MYO7B: variants seen among roughly 807,000 people sequenced by gnomAD.
The protein encoded by MYO7B is unconventional myosin-VIIb.
Under a neutral mutation model 259.7 loss-of-function variants are expected in MYO7B, and 212 were observed. The observed-to-expected ratio is 0.82, with a 90% confidence interval of 0.73 to 0.91. MYO7B has a LOEUF of 0.91. Ranked by LOEUF, MYO7B falls within the 40% of genes least tolerant of loss-of-function variation. The pLI, the probability that MYO7B is intolerant of heterozygous loss-of-function variation, is 0.00. For missense variants in MYO7B, 2,732 were observed against 2,813.5 expected (o/e 0.97, Z 0.66); for synonymous variants, 1,197 against 1,166.4 (o/e 1.03, Z -0.54).
chr2:127,565,613 G>T lies in MYO7B; in HGVS notation c.285+228G>T, dbSNP rs143288782. 9.0e-3 allele frequency among the ~76,000 whole-genome samples: 1,377 copies of T among 152,358 alleles called. 20 individuals carry two copies. Among genetic ancestry groups the T allele is most frequent in the African/African-American group, 0.028 (1,154 of 41,582 alleles). On this transcript the variant is annotated intron_variant, in intron 4 of 47. Transcript: ENST00000409816. ...TGCGTAGAGTGACAGCACAGTGCCT[G>T]GCACAGTCTCTGCTCAGTGAGGGCT...
rs1021535064 is a variant in MYO7B, at chr2:127,546,902, A to G, written c.-24+11071A>G. On this transcript the variant is annotated intron_variant, in intron 1 of 47. Coordinates refer to ENST00000409816, the MANE Select transcript of MYO7B (RefSeq NM_001393586.1). This position sits in a 1 kb window ranked among gnomAD's most constrained non-coding sequence, Gnocchi z 4.2. ...CCATTAATCCATCCACCATCCATCT[A>G]TCCACCCACCCACCCATTCACCCAC... Among the ~76,000 whole-genome samples, 3 of 151,490 alleles carry G rather than the reference A, an allele frequency of 2.0e-5. No homozygotes were observed. Among genetic ancestry groups the G allele is most frequent in the African/African-American group, 7.3e-5 (3 of 41,124 alleles).
intron 1 of MYO7B, among the ~76,000 whole-genome samples, chr2:127,554,950 T>C (rs1693582812): frequency 7.8e-6 from 1 of 128,918 alleles, no homozygotes; most frequent in Non-Finnish European, 1.6e-5. Flanking sequence ...TTCTAATTGA[T>C]TTTTTTTTTT....
Position 127,634,670 on chromosome 2 carries a change from G to A in MYO7B, c.5700G>A (p.Lys1900=). 1 of 1,610,690 alleles carries A rather than the reference G, an allele frequency of 6.2e-7. No homozygotes were observed. The highest frequency in any genetic ancestry group is 8.5e-7 in the Non-Finnish European group (1 of 1,179,108). Residue 1900 remains lysine, a synonymous_variant, in exon 42 of 48, where the codon AAG becomes AAA. Coordinates refer to ENST00000409816, the MANE Select transcript of MYO7B (RefSeq NM_001393586.1). ...TGTCTGACTGGGTGAAGAAGAACAA[G>A]CCCCAGAAAGAAGGTGAGGAGGCCT... ...REVSDWVKKN[K]PQKEGAPVTL...
At chr2:127,575,580 C>G (rs1342368321) in intron 7 of MYO7B, among the ~76,000 whole-genome samples, 2 of 148,588 alleles carry the variant, frequency 1.3e-5, no homozygotes, top group African/African-American at 5.0e-5. Flanking sequence ...AAAAAAGAAA[C>G]AAAGAAAAGA....
At chr2:127,581,053 C>T (rs933789892) in intron 10 of MYO7B, among the ~76,000 whole-genome samples, 4 of 152,202 alleles carry the variant, frequency 2.6e-5, no homozygotes, top group Non-Finnish European at 4.4e-5. Context: ...TGAATGTTTC[C>T]TCCCTTTCCC....
chr2:127,629,351 C>A (rs1681336776), intron 34 of MYO7B, among the ~76,000 whole-genome samples: 1 of 152,204 alleles, frequency 6.6e-6, no homozygotes, highest in Non-Finnish European at 1.5e-5. Context: ...GTGCATCCTC[C>A]CCTCCCTCAT....
intron 21 of MYO7B, among the ~76,000 whole-genome samples, chr2:127,608,236 A>G (rs1427209439): frequency 6.6e-6 from 1 of 152,240 alleles, no homozygotes; most frequent in Non-Finnish European, 1.5e-5. Context: ...GAATGCACCC[A>G]TAGACACGTC....
Position 127,569,776 on chromosome 2 carries a change from A to G in MYO7B, c.471-13A>G, listed in dbSNP as rs1328294660. 1.4e-5 allele frequency: 22 copies of G among 1,606,848 alleles called. No homozygotes were observed. The highest frequency in any genetic ancestry group is 1.7e-5 in the Non-Finnish European group (20 of 1,175,132). On this transcript the variant is annotated splice_polypyrimidine_tract_variant and intron_variant, in intron 5 of 47. Transcript: ENST00000409816. ...GTTTTGTGGCATCATGTCCCTGCAC[A>G]CCCTTTTTGCAGCGGCGAGTCTGGG...
chr2:127,604,963 A>G (rs971315195), intron 19 of MYO7B, among the ~76,000 whole-genome samples: 2 of 152,270 alleles, frequency 1.3e-5, no homozygotes, highest in Admixed American at 6.5e-5. Flanking sequence ...ACAGACATGA[A>G]GTGACCACAT....
At chr2:127,631,088 T>A (rs1681474006) in intron 36 of MYO7B, 118 bp from the exon 37 acceptor site, 2 of 1,419,324 alleles carry the variant, frequency 1.4e-6, no homozygotes, top group East Asian at 2.5e-5. Context: ...CAGGAGGGGC[T>A]TGCGGCAGGG....
chr2:127,578,355 T>C, intron 9 of MYO7B, 69 bp downstream of exon 9: 1 of 1,577,280 alleles, frequency 6.3e-7, no homozygotes, highest in Non-Finnish European at 8.7e-7. Context: ...CAGGAAGGCA[T>C]CTCTAGGGGT....
rs773705060 is a variant in MYO7B, at chr2:127,609,589, T to C, written c.2898T>C (p.Asp966=). 6.2e-7 allele frequency: 1 copy of C among 1,613,862 alleles called. No individual in the cohort carries two copies. Among genetic ancestry groups the C allele is most frequent in the African/African-American group, 1.3e-5 (1 of 74,912 alleles). Residue 966 remains aspartate, a synonymous_variant, in exon 23 of 48, where the codon GAT becomes GAC. Transcript: ENST00000409816. The surrounding 1 kb of genome is among the most constrained non-coding windows in gnomAD (Gnocchi z 6.9). The part of the protein sequence containing the change: ...PMAEEPEEDV[D]GLAEYTFPKF... ...CGGAGGAGCCTGAGGAGGATGTGGA[T>C]GGCCTGGCCGAGTACACCTTCCCCA...
rs1159382285 is a variant in MYO7B at position 127,549,145 on chromosome 2, T to A, written c.-23-10555T>A. ...CTCTTCTTTCTCTCTTTCTTTCTTC[T>A]TTCTTCCTTCCTTCCTTCCTTTCTT... On this transcript the variant is annotated intron_variant, in intron 1 of 47. Coordinates refer to ENST00000409816, the MANE Select transcript of MYO7B (RefSeq NM_001393586.1). Among the ~76,000 whole-genome samples, 3 of 73,244 alleles carry A rather than the reference T, an allele frequency of 4.1e-5. No homozygotes were observed. The Admixed American group carries it at 6.1e-4, about 15-fold the overall frequency. The allele number at this position is 73,244 out of a possible 152,430, so 48.1% of individuals were successfully genotyped here. A position where few individuals can be genotyped will look rare whatever the true frequency, so the allele number is the denominator to read the frequency against.
In MYO7B at chr2:127,580,170, A is replaced by C. The variant is rs369491079; in HGVS notation, c.1004-576A>C. ...TCCAATTTTTTTCAGTTTAAAAAAG[A>C]AAAAAAGCAAAAACAAAGACACCCA... On this transcript the variant is annotated intron_variant, in intron 9 of 47. Coordinates refer to ENST00000409816, the MANE Select transcript of MYO7B (RefSeq NM_001393586.1). Among the ~76,000 whole-genome samples the C allele has an allele frequency of 2.1e-3, 322 of 152,304 alleles. 1 individual carries two copies. Among genetic ancestry groups the C allele is most frequent in the African/African-American group, 7.0e-3 (293 of 41,562 alleles).
At chr2:127,612,737 A>T (rs927769484) in intron 26 of MYO7B, 134 bp downstream of exon 26, 2 of 1,351,796 alleles carry the variant, frequency 1.5e-6, no homozygotes. Flanking sequence ...GGGTCTCAGG[A>T]CAGCAGATGT....
Position 127,637,517 on chromosome 2 carries a change from G to A in MYO7B, c.*100G>A. 1 of 889,214 alleles carries A rather than the reference G, an allele frequency of 1.1e-6. No individual in the cohort carries two copies. The highest frequency in any genetic ancestry group is 2.7e-5 in the East Asian group (1 of 37,122). 55.1% of individuals were successfully genotyped at this position (889,214 alleles called of 1,614,324 possible). ...ACCCAGGGCCTGTCCTTGGCGGGCA[G>A]CCTTCCATGCTGCCCCCCATACAAA... On this transcript the variant is annotated 3_prime_UTR_variant, in exon 48 of 48. Transcript: ENST00000409816.
intron 2 of MYO7B, among the ~76,000 whole-genome samples, chr2:127,560,269 C>T (rs886261390): frequency 2.6e-5 from 4 of 152,082 alleles, no homozygotes; most frequent in Non-Finnish European, 4.4e-5. Context: ...CAAAGCAATC[C>T]ACTAGCCTTG....
chr2:127,588,762 G>A (rs1487045934), intron 15 of MYO7B, among the ~76,000 whole-genome samples: 2 of 148,898 alleles, frequency 1.3e-5, no homozygotes, highest in East Asian at 4.0e-4. Flanking sequence ...GTGGGTGGAT[G>A]GGTGAGTGGA....
At position 127,569,799 on chromosome 2, in the gene MYO7B, G is replaced by T. The variant is rs757758397; in HGVS notation, c.481G>T (p.Gly161Trp). ...ACACCCTTTTTGCAGCGGCGAGTCT[G>T]GGGCTGGCAAGACGGAGACCACCAA... Reference protein sequence around the residue: ...DQCCIISGESGAGKTETTKLI... With the variant: ...DQCCIISGESWAGKTETTKLI... The change falls in exon 6 of 48, where the codon GGG becomes TGG. Residue 161 changes from glycine (G) to tryptophan (W), a missense_variant. Gly to Trp is a radical substitution (Grantham distance 184). This residue lies in a region of MYO7B where 1,906 missense variants were observed against 2,026.4 expected (regional missense o/e 0.94). Transcript: ENST00000409816. 6.2e-7 allele frequency: 1 copy of T among 1,611,932 alleles called. No individual in the cohort carries two copies. Among genetic ancestry groups the T allele is most frequent in the Non-Finnish European group, 8.5e-7 (1 of 1,178,594 alleles).
Sources: allele counts gnomAD v4.1 joint callset (sites outside exome capture counted in the v4.1 genomes callset), GRCh38; gene constraint gnomAD v4.1.1; regional missense constraint gnomAD v4.1.1; non-coding constraint Gnocchi (gnomAD v3.1); transcripts MANE v1.5; gene names NCBI Gene and HGNC (gene_info 2026-07-23, HGNC 2026-07-21).